Variants in UBE2H observed in about 807,000 individuals in gnomAD.
The protein encoded by UBE2H is ubiquitin conjugating enzyme E2 H.
A neutral mutation model predicts 29.0 loss-of-function variants in UBE2H; 3 were observed. That is an observed-to-expected ratio of 0.10 (90% CI 0.05 to 0.27). The LOEUF (loss-of-function observed/expected upper bound fraction) is 0.27. Ranked by LOEUF, UBE2H falls within the 10% of genes least tolerant of loss-of-function variation. The pLI is 1.00. For missense variants in UBE2H, 68 were observed against 228.2 expected (o/e 0.30, Z 4.52); for synonymous variants, 69 against 82.9 (o/e 0.83, Z 0.91).
chr7:129,867,740 AAAG>A (rs1304137280), intron 3 of UBE2H, among the ~76,000 whole-genome samples: 2 of 138,310 alleles, frequency 1.4e-5, no homozygotes, highest in African/African-American at 5.4e-5. Flanking sequence ...AAAAAAAAAA[AAAG>A]AAGACCATCC....
intron 5 of UBE2H, among the ~76,000 whole-genome samples, chr7:129,844,164 C>T (rs1311909829): frequency 6.6e-6 from 1 of 152,218 alleles, no homozygotes; most frequent in Non-Finnish European, 1.5e-5. Context: ...TGCTGAGTCA[C>T]ACCTGTAAAA....
chr7:129,843,246 G>A (rs1273782098), intron 5 of UBE2H, among the ~76,000 whole-genome samples: 2 of 151,900 alleles, frequency 1.3e-5, no homozygotes, highest in African/African-American at 2.4e-5. Flanking sequence ...TGATCTGCCC[G>A]CCTCGGCCTC....
intron 1 of UBE2H, among the ~76,000 whole-genome samples, chr7:129,901,305 T>C (rs574434152): frequency 1.6e-4 from 25 of 152,260 alleles, no homozygotes; most frequent in Non-Finnish European, 3.2e-4. Context: ...AGTCTGTTCT[T>C]TGAGCCACCC....
At chr7:129,859,299 A>G (rs1563024644) in intron 3 of UBE2H, among the ~76,000 whole-genome samples, 1 of 152,214 alleles carries the variant, frequency 6.6e-6, no homozygotes, top group East Asian at 1.9e-4. Context: ...ACTCTCCCAG[A>G]AGTTTTGTTG....
intron 2 of UBE2H, among the ~76,000 whole-genome samples, chr7:129,880,063 G>A (rs1029759909): frequency 2.0e-5 from 3 of 152,072 alleles, no homozygotes; most frequent in African/African-American, 7.2e-5. Flanking sequence ...GTCTAGTACT[G>A]TCACATAGAG....
intron 1 of UBE2H, among the ~76,000 whole-genome samples, chr7:129,924,951 T>A (rs1019957275): frequency 3.9e-4 from 55 of 141,012 alleles, no homozygotes; most frequent in Admixed American, 2.8e-4. Flanking sequence ...AAACTATGAA[T>A]AAAAAAAAAA....
intron 1 of UBE2H, among the ~76,000 whole-genome samples, chr7:129,945,237 T>C (rs1807739473): frequency 6.6e-6 from 1 of 152,228 alleles, no homozygotes; most frequent in Admixed American, 6.5e-5. Flanking sequence ...AGTATCACTT[T>C]AAATATGTAC....
intron 1 of UBE2H, among the ~76,000 whole-genome samples, chr7:129,918,840 T>C (rs986705293): frequency 1.3e-5 from 2 of 152,062 alleles, no homozygotes; most frequent in African/African-American, 2.4e-5. Context: ...CCCAGCACTT[T>C]GGGAGGTTGA....
At chr7:129,917,703 CAAG>C (rs1487712187) in intron 1 of UBE2H, among the ~76,000 whole-genome samples, 1 of 152,102 alleles carries the variant, frequency 6.6e-6, no homozygotes, top group Non-Finnish European at 1.5e-5. Context: ...TGTTAAATAT[CAAG>C]GAGCTAGGAA....
At chr7:129,876,258 C>T (rs1806142410) in intron 3 of UBE2H, among the ~76,000 whole-genome samples, 1 of 152,102 alleles carries the variant, frequency 6.6e-6, no homozygotes, top group South Asian at 2.1e-4. Flanking sequence ...AATGGGTCAG[C>T]TGCATATCTC....
chr7:129,882,914 T>C (rs998960443), intron 1 of UBE2H, among the ~76,000 whole-genome samples: 2 of 152,156 alleles, frequency 1.3e-5, no homozygotes, highest in African/African-American at 2.4e-5. Context: ...AACACTTCCA[T>C]AGTGTAAAAG....
chr7:129,896,240 G>A (rs1806598163), intron 1 of UBE2H, among the ~76,000 whole-genome samples: 1 of 151,818 alleles, frequency 6.6e-6, no homozygotes, highest in Admixed American at 6.6e-5. Context: ...TAGAGGCTGA[G>A]GCAGGAGAAT....
chr7:129,909,347 GCA>G (rs1806883935), intron 1 of UBE2H, among the ~76,000 whole-genome samples: 1 of 152,210 alleles, frequency 6.6e-6, no homozygotes, highest in East Asian at 1.9e-4. Context: ...CATCAGACAT[GCA>G]CACTTTGATG....
chr7:129,882,255 T>C (rs920329405), intron 1 of UBE2H, among the ~76,000 whole-genome samples: 3 of 152,220 alleles, frequency 2.0e-5, no homozygotes, highest in African/African-American at 7.2e-5. Flanking sequence ...GTAGGAATTT[T>C]AGGTGACAGA....
intron 3 of UBE2H, among the ~76,000 whole-genome samples, chr7:129,863,808 G>GTTTTTTTTT (rs34701981): frequency 0.11 from 14,929 of 134,168 alleles, 848 homozygotes; most frequent in Admixed American, 0.14. Context: ...AATACTAGGT[G>GTTTTTTTTT]TTTTTTTTTT....
intron 5 of UBE2H, 121 bp downstream of exon 5, chr7:129,857,390 G>T: frequency 1.0e-6 from 1 of 963,966 alleles, no homozygotes; most frequent in Non-Finnish European, 1.6e-6. Flanking sequence ...TTCCCAGTCG[G>T]TCCCTCAAAA....
At chr7:129,917,412 C>A (rs1807066691) in intron 1 of UBE2H, among the ~76,000 whole-genome samples, 1 of 152,180 alleles carries the variant, frequency 6.6e-6, no homozygotes, top group African/African-American at 2.4e-5. Context: ...CACATCCCTA[C>A]TCCTTCTCCA....
intron 5 of UBE2H, among the ~76,000 whole-genome samples, chr7:129,849,392 A>C (rs1382691855): frequency 1.3e-5 from 2 of 152,192 alleles, no homozygotes; most frequent in Non-Finnish European, 2.9e-5. Flanking sequence ...AACCTGGCCA[A>C]CATGGTGAAA....
At chr7:129,921,261 C>G (rs888053282) in intron 1 of UBE2H, among the ~76,000 whole-genome samples, 1 of 152,070 alleles carries the variant, frequency 6.6e-6, no homozygotes, top group Non-Finnish European at 1.5e-5. Flanking sequence ...AAAATGGACT[C>G]ATCTATTTAG....
Sources: allele counts gnomAD v4.1 joint callset (sites outside exome capture counted in the v4.1 genomes callset), GRCh38; gene constraint gnomAD v4.1.1; transcripts MANE v1.5; gene names NCBI Gene and HGNC (gene_info 2026-07-23, HGNC 2026-07-21).